Variants in RBFOX1 observed in about 807,000 individuals in gnomAD.
RBFOX1 encodes RNA binding protein fox-1 homolog 1.
In RBFOX1, 8 loss-of-function variants were observed where a neutral mutation model predicts 57.7. The observed-to-expected ratio is 0.14, with a 90% confidence interval of 0.08 to 0.25. The LOEUF is 0.25. Ranked by LOEUF, RBFOX1 falls within the 10% of genes least tolerant of loss-of-function variation. The pLI, the probability that RBFOX1 is intolerant of heterozygous loss-of-function variation, is 1.00. For missense variants in RBFOX1, 611 were observed against 548.5 expected (o/e 1.11, Z -1.14); for synonymous variants, 326 against 222.4 (o/e 1.47, Z -4.15).
intron 4 of RBFOX1, among the ~76,000 whole-genome samples, chr16:7,258,505 C>A (rs548290036): frequency 6.6e-6 from 1 of 152,020 alleles, no homozygotes; most frequent in Non-Finnish European, 1.5e-5. Flanking sequence ...CGAATTACTG[C>A]AAGTAGATTA....
intron 4 of RBFOX1, among the ~76,000 whole-genome samples, chr16:6,001,549 C>T (rs2060600228): frequency 6.6e-6 from 1 of 152,038 alleles, no homozygotes; most frequent in South Asian, 2.1e-4. Flanking sequence ...ACAATGTTTT[C>T]CCGAGATAAG....
At chr16:7,206,103 G>C (rs1406340858) in intron 4 of RBFOX1, among the ~76,000 whole-genome samples, 2 of 152,168 alleles carry the variant, frequency 1.3e-5, no homozygotes, top group Non-Finnish European at 2.9e-5. Context: ...GTTTAGGGAA[G>C]TGCTTACCTG....
At chr16:7,455,464 A>G (rs1189231947) in intron 4 of RBFOX1, among the ~76,000 whole-genome samples, 3 of 152,112 alleles carry the variant, frequency 2.0e-5, no homozygotes, top group Non-Finnish European at 4.4e-5. Context: ...ATTTACATAG[A>G]TATGGACATT....
chr16:6,153,248 C>T (rs146111174), intron 1 of RBFOX1, among the ~76,000 whole-genome samples: 2,161 of 152,032 alleles, frequency 0.014, 63 homozygotes, highest in African/African-American at 0.049. Context: ...ATTCCTATTT[C>T]CTCCAATAAA....
At chr16:6,643,811 C>G (rs2098511353) in intron 2 of RBFOX1, among the ~76,000 whole-genome samples, 1 of 137,074 alleles carries the variant, frequency 7.3e-6, no homozygotes, top group Non-Finnish European at 1.5e-5. Context: ...TTCTCAAAAT[C>G]TGAGTCTTTG....
intron 5 of RBFOX1, among the ~76,000 whole-genome samples, chr16:7,571,165 C>G (rs532374151): frequency 6.6e-6 from 1 of 151,912 alleles, no homozygotes. Context: ...CCATGGCACA[C>G]GTTTACTTAT....
chr16:6,009,093 C>T (rs866142896), intron 4 of RBFOX1, among the ~76,000 whole-genome samples: 11 of 150,564 alleles, frequency 7.3e-5, no homozygotes, highest in Middle Eastern at 3.5e-3. Flanking sequence ...TATGGTTTGT[C>T]TTTTACTTTT....
At chr16:6,635,233 C>G (rs963493406) in intron 2 of RBFOX1, among the ~76,000 whole-genome samples, 6 of 150,264 alleles carry the variant, frequency 4.0e-5, no homozygotes, top group Admixed American at 1.3e-4. Context: ...ATAATACTTT[C>G]AATTTATATA....
intron 3 of RBFOX1, among the ~76,000 whole-genome samples, chr16:6,857,168 A>C (rs2058063627): frequency 6.6e-6 from 1 of 152,206 alleles, no homozygotes; most frequent in Non-Finnish European, 1.5e-5. Flanking sequence ...GATTTTAAAA[A>C]GACTTTCAGG....
chr16:6,071,865 A>C (rs1466643097), intron 1 of RBFOX1, among the ~76,000 whole-genome samples: 1 of 152,178 alleles, frequency 6.6e-6, no homozygotes, highest in African/African-American at 2.4e-5. Context: ...GGCTTATTTC[A>C]CTAGAATAAT....
At chr16:5,692,503 T>TG (rs1175128642) in intron 3 of RBFOX1, among the ~76,000 whole-genome samples, 1 of 152,190 alleles carries the variant, frequency 6.6e-6, no homozygotes, top group Non-Finnish European at 1.5e-5. Flanking sequence ...AGTTGCATCC[T>TG]GGTGAAGACC....
At chr16:5,519,632 A>G (rs1220218040) in intron 2 of RBFOX1, among the ~76,000 whole-genome samples, 1 of 152,148 alleles carries the variant, frequency 6.6e-6, no homozygotes, top group Non-Finnish European at 1.5e-5. Flanking sequence ...GGCTGAGGCA[A>G]GAAGATTGCT....
intron 3 of RBFOX1, among the ~76,000 whole-genome samples, chr16:7,014,863 T>G (rs532667151): frequency 1.3e-5 from 2 of 152,226 alleles, no homozygotes; most frequent in East Asian, 3.9e-4. Flanking sequence ...TAGCTGAGAT[T>G]ACAGGCATGT....
intron 4 of RBFOX1, among the ~76,000 whole-genome samples, chr16:7,252,516 T>G (rs558347142): frequency 6.6e-6 from 1 of 152,304 alleles, no homozygotes; most frequent in East Asian, 1.9e-4. Flanking sequence ...TTTATATTTC[T>G]GGCTTTTCAT....
intron 1 of RBFOX1, among the ~76,000 whole-genome samples, chr16:5,439,276 T>G (rs1337846135): frequency 6.6e-6 from 1 of 152,112 alleles, no homozygotes; most frequent in Non-Finnish European, 1.5e-5. Context: ...TGGATCCATG[T>G]GGCTTTGGAA....
chr16:7,218,369 C>T (rs962120533), intron 4 of RBFOX1, among the ~76,000 whole-genome samples: 6 of 152,038 alleles, frequency 3.9e-5, no homozygotes, highest in South Asian at 2.1e-4. Context: ...AGTATGCTTC[C>T]TATGAGACAG....
intron 2 of RBFOX1, among the ~76,000 whole-genome samples, chr16:5,529,950 A>C (rs1490465165): frequency 2.0e-5 from 3 of 152,130 alleles, no homozygotes; most frequent in Admixed American, 2.0e-4. Flanking sequence ...CAACTCGAGG[A>C]ACACCAAGAA....
rs115782268 is a variant in RBFOX1 at position 6,866,016 on chromosome 16, C to A, written c.-15-186041C>A. Among the ~76,000 whole-genome samples, 254 of 152,096 alleles carry A rather than the reference C, an allele frequency of 1.7e-3. 2 individuals carry two copies. Among genetic ancestry groups the A allele is most frequent in the African/African-American group, 5.7e-3 (237 of 41,498 alleles). On this transcript the variant is annotated intron_variant, in intron 3 of 15. Transcript: ENST00000550418. ...GGGAAAAAAGAGGGAGTAATATTGGCTAGCACATCTTTGAATGCATCTGGA... is the reference window on the plus strand; with the variant it reads ...GGGAAAAAAGAGGGAGTAATATTGGATAGCACATCTTTGAATGCATCTGGA...
At chr16:6,708,566 A>T (rs986244406) in intron 3 of RBFOX1, among the ~76,000 whole-genome samples, 4 of 152,296 alleles carry the variant, frequency 2.6e-5, no homozygotes, top group Non-Finnish European at 2.9e-5. Flanking sequence ...ATGATTTAAG[A>T]TGCTCTTAAT....
Sources: allele counts gnomAD v4.1 joint callset (sites outside exome capture counted in the v4.1 genomes callset), GRCh38; gene constraint gnomAD v4.1.1; transcripts MANE v1.5; gene names NCBI Gene and HGNC (gene_info 2026-07-23, HGNC 2026-07-21).